CCDC171: variants seen among roughly 807,000 people sequenced by gnomAD.
The protein encoded by CCDC171 is coiled-coil domain containing 171.
CCDC171 carries 177 observed loss-of-function variants against 168.2 expected under a neutral mutation model. That is an observed-to-expected ratio of 1.05 (90% CI 0.93 to 1.19). CCDC171 has a LOEUF of 1.19. CCDC171 is among the 50% of genes most tolerant of loss of function. The pLI, the probability that CCDC171 is intolerant of heterozygous loss-of-function variation, is 0.00. For synonymous variants in CCDC171, 687 were observed against 540.8 expected (o/e 1.27, Z -3.75); for missense variants, 1,991 against 1,539.0 (o/e 1.29, Z -4.91).
intron 24 of CCDC171, among the ~76,000 whole-genome samples, chr9:15,894,107 C>T (rs187708176): frequency 8.5e-4 from 130 of 152,140 alleles, no homozygotes; most frequent in South Asian, 4.8e-3. Context: ...TAAAACAGAA[C>T]GAGGTCGTGT....
chr9:15,812,259 G>A (rs1330864573), intron 21 of CCDC171, among the ~76,000 whole-genome samples: 1 of 152,148 alleles, frequency 6.6e-6, no homozygotes, highest in Non-Finnish European at 1.5e-5. Context: ...TGGCTTCAAG[G>A]AAACCACCAT....
chr9:16,025,196 C>A (rs192470070), intron 6 of CCDC171, among the ~76,000 whole-genome samples: 2 of 152,312 alleles, frequency 1.3e-5, no homozygotes, highest in Non-Finnish European at 2.9e-5. Context: ...AATCTCAGCA[C>A]TTTGGGAGGC....
chr9:15,612,119 A>G (rs1003301881), intron 6 of CCDC171, among the ~76,000 whole-genome samples: 1 of 152,184 alleles, frequency 6.6e-6, no homozygotes, highest in African/African-American at 2.4e-5. Context: ...CCCATCTTCC[A>G]GAACTGTGAG....
At chr9:15,814,623 A>G (rs901812040) in intron 21 of CCDC171, among the ~76,000 whole-genome samples, 1 of 121,494 alleles carries the variant, frequency 8.2e-6, no homozygotes, top group Non-Finnish European at 1.9e-5. Context: ...GAGAAAAGTT[A>G]GATATCTTAC....
chr9:15,642,343 GTATATATATATATATATATATATA>G (rs55976539), intron 7 of CCDC171, among the ~76,000 whole-genome samples: 2,010 of 107,624 alleles, frequency 0.019, 78 homozygotes, highest in African/African-American at 0.032. Context: ...GTGTGTGTGT[GTATATATATATATATATATATATA>G]TATATATATA....
intron 18 of CCDC171, among the ~76,000 whole-genome samples, chr9:15,758,783 G>C (rs2056282474): frequency 1.3e-5 from 2 of 152,164 alleles, no homozygotes; most frequent in Admixed American, 6.5e-5. Flanking sequence ...CACAAGGTTT[G>C]ATAGTTTGAT....
chr9:16,001,119 A>T (rs542482366), intron 3 of CCDC171, among the ~76,000 whole-genome samples: 1 of 152,220 alleles, frequency 6.6e-6, no homozygotes, highest in African/African-American at 2.4e-5. Flanking sequence ...AGTGACTCAG[A>T]GAAGGGCCTC....
intron 6 of CCDC171, among the ~76,000 whole-genome samples, chr9:15,613,436 T>TAAACATTG (rs2043846471): frequency 6.6e-6 from 1 of 152,136 alleles, no homozygotes; most frequent in Non-Finnish European, 1.5e-5. Flanking sequence ...ACACTCATAT[T>TAAACATTG]AAACATTGAA....
the CCDC171 span, among the ~76,000 whole-genome samples, chr9:16,088,293 T>G: frequency 6.6e-6 from 1 of 152,222 alleles, no homozygotes; most frequent in East Asian, 1.9e-4. Context: ...GCTGTAAATT[T>G]TGCCTTTGAA....
chr9:15,989,537 A>G (rs1173226176), intron 3 of CCDC171, among the ~76,000 whole-genome samples: 1 of 152,212 alleles, frequency 6.6e-6, no homozygotes. Context: ...CCTCCAAAGG[A>G]ACGCAGCTCC....
At chr9:15,988,777 T>G (rs1832084910) in intron 3 of CCDC171, among the ~76,000 whole-genome samples, 1 of 152,172 alleles carries the variant, frequency 6.6e-6, no homozygotes, top group Non-Finnish European at 1.5e-5. Context: ...CACTAGGAGA[T>G]TATATCCCGC....
intron 23 of CCDC171, among the ~76,000 whole-genome samples, chr9:15,868,892 T>A (rs2061906751): frequency 6.6e-6 from 1 of 151,958 alleles, no homozygotes; most frequent in Non-Finnish European, 1.5e-5. Context: ...AAACCTTCTG[T>A]GGATACCAAT....
chr9:15,556,991 A>G (rs13301933), intron 1 of CCDC171, among the ~76,000 whole-genome samples: 1 of 152,192 alleles, frequency 6.6e-6, no homozygotes, highest in Non-Finnish European at 1.5e-5. Context: ...CATTTATTAA[A>G]TAGGGAATCC....
At chr9:15,607,446 G>A (rs2043309504) in intron 6 of CCDC171, among the ~76,000 whole-genome samples, 1 of 151,842 alleles carries the variant, frequency 6.6e-6, no homozygotes, top group Non-Finnish European at 1.5e-5. Flanking sequence ...ATGCTTCTTT[G>A]TCAAACTTAT....
intron 11 of CCDC171, among the ~76,000 whole-genome samples, chr9:15,706,814 T>G (rs1282025420): frequency 6.6e-6 from 1 of 152,188 alleles, no homozygotes; most frequent in Non-Finnish European, 1.5e-5. Context: ...CTAGAGGTGT[T>G]CTTTTCCTTT....
At chr9:15,910,357 G>T (rs1037152052) in intron 24 of CCDC171, among the ~76,000 whole-genome samples, 1 of 152,058 alleles carries the variant, frequency 6.6e-6, no homozygotes. Context: ...TATTGACTTT[G>T]TCAAAGATCA....
At chr9:15,826,847 A>C (rs1315452347) in intron 21 of CCDC171, among the ~76,000 whole-genome samples, 1 of 152,202 alleles carries the variant, frequency 6.6e-6, no homozygotes, top group Non-Finnish European at 1.5e-5. Context: ...GTAGTTTGAC[A>C]CCATTATGTT....
At chr9:15,709,081 C>T (rs1378308199) in intron 11 of CCDC171, among the ~76,000 whole-genome samples, 1 of 151,868 alleles carries the variant, frequency 6.6e-6, no homozygotes, top group Admixed American at 6.6e-5. Flanking sequence ...AAATGATTCA[C>T]CATGGAAATT....
chr9:15,779,258 A>G (rs1245874756), intron 20 of CCDC171, 108 bp downstream of exon 20: 2 of 607,436 alleles, frequency 3.3e-6, no homozygotes, highest in Non-Finnish European at 5.0e-6. Flanking sequence ...AAATAATTCA[A>G]AAGCCTATTA....
Sources: gnomAD v4.1 joint callset for allele counts (sites outside exome capture counted in the v4.1 genomes callset) on GRCh38, gnomAD v4.1.1 for gene constraint, MANE v1.5 for transcripts, NCBI Gene and HGNC (gene_info 2026-07-23, HGNC 2026-07-21) for gene names.